The following CCT5 variants were observed in gnomAD, a reference collection of about 807,000 sequenced individuals.
CCT5 encodes chaperonin containing TCP1 subunit 5.
In CCT5, 6 loss-of-function variants were observed where a neutral mutation model predicts 55.0. The observed-to-expected ratio is 0.11, with a 90% CI of 0.06 to 0.22. The LOEUF (loss-of-function observed/expected upper bound fraction) is 0.22. Among genes scored for constraint, CCT5 ranks in the 10% least tolerant of loss-of-function variants. CCT5 has a pLI of 1.00. For synonymous variants in CCT5, 231 were observed against 243.7 expected, an observed-to-expected ratio of 0.95 and a Z score of 0.49; for missense variants, 560 against 694.6, an observed-to-expected ratio of 0.81 and a Z score of 2.18.
chr5:10,258,407 G>A lies in CCT5; in HGVS notation c.745G>A (p.Ala249Thr), dbSNP rs1291878369. ...ATAGAAAGTGGAAGATGCGAAGATTGCAATTCTCACATGTCCATTTGAACC... is the reference window on the plus strand; with the variant it reads ...ATAGAAAGTGGAAGATGCGAAGATTACAATTCTCACATGTCCATTTGAACC... Reference protein sequence around the residue: ...MPKKVEDAKIAILTCPFEPPK... With the variant: ...MPKKVEDAKITILTCPFEPPK... The change falls in exon 6 of 11, where the codon GCA becomes ACA. Residue 249 changes from alanine to threonine, a missense_variant. Physicochemically the swap from Ala to Thr is moderately conservative, Grantham distance 58. This residue lies in a region of CCT5 where 256 missense variants were observed against 372.4 expected (regional missense o/e 0.69). Transcript: ENST00000280326. 3 of 1,614,102 alleles carry A rather than the reference G, an allele frequency of 1.9e-6. No homozygotes were observed. The highest frequency in any genetic ancestry group is 2.5e-6 in the Non-Finnish European group (3 of 1,180,046).
intron 4 of CCT5, among the ~76,000 whole-genome samples, chr5:10,257,635 C>A (rs1380869502): frequency 6.6e-6 from 1 of 152,198 alleles, no homozygotes; most frequent in Non-Finnish European, 1.5e-5. Context: ...GTGGTGAATT[C>A]TTGGAAAGTT....
At chr5:10,249,930 A>ACAG, upstream of CCT5, 1 of 756,012 alleles carries the variant, frequency 1.3e-6, no homozygotes, top group Non-Finnish European at 1.7e-6. Flanking sequence ...AAAAAAAAAA[A>ACAG]AAAACCGGAA....
intron 6 of CCT5, among the ~76,000 whole-genome samples, chr5:10,260,288 T>G (rs567491840): frequency 7.2e-5 from 11 of 152,308 alleles, no homozygotes; most frequent in African/African-American, 2.4e-4. Flanking sequence ...GTGAGGGTGC[T>G]TCTTACTGGA....
At chr5:10,254,339 G>GTA in intron 2 of CCT5, 134 bp downstream of exon 2, 1 of 671,990 alleles carries the variant, frequency 1.5e-6, no homozygotes, top group East Asian at 3.0e-5. Flanking sequence ...ATTTTTTAGT[G>GTA]TATTTCAGGT....
intron 10 of CCT5, among the ~76,000 whole-genome samples, chr5:10,263,576 T>C (rs992601565): frequency 6.6e-6 from 1 of 152,184 alleles, no homozygotes; most frequent in Non-Finnish European, 1.5e-5. Context: ...TAATCTCTGG[T>C]TTTTGGGAAG....
chr5:10,258,676 CAG>C (rs1274775136), intron 6 of CCT5, 141 bp downstream of exon 6: 15 of 782,138 alleles, frequency 1.9e-5, no homozygotes, highest in Middle Eastern at 2.3e-4. Flanking sequence ...AAGGCATAAA[CAG>C]GGAAGAATTC....
At position 10,260,290 on chromosome 5, in the gene CCT5, C is replaced by T. The variant is rs74448894; in HGVS notation, c.874-502C>T. The stretch of plus-strand genomic sequence containing the variant: ...TTTGCAGGTCGGGGTGAGGGTGCTT[C>T]TTACTGGAAGCAGGGTTGCCTCTGT... On this transcript the variant is annotated intron_variant, in intron 6 of 10. Transcript: ENST00000280326. Among the ~76,000 whole-genome samples, 997 of 152,312 alleles carry T rather than the reference C, an allele frequency of 6.5e-3. 37 individuals carry two copies. Among genetic ancestry groups the T allele is most frequent in the Admixed American group, 0.051 (781 of 15,288 alleles).
At chr5:10,261,429 T>A in intron 7 of CCT5, 131 bp from the exon 8 acceptor site, 1 of 826,504 alleles carries the variant, frequency 1.2e-6, no homozygotes, top group Non-Finnish European at 2.1e-6. Context: ...TGGAGATGTC[T>A]CGGTCAAAGT....
chr5:10,255,508 G>A (rs1745626480), intron 3 of CCT5, among the ~76,000 whole-genome samples: 1 of 151,690 alleles, frequency 6.6e-6, no homozygotes, highest in African/African-American at 2.4e-5. Context: ...TGTTCTCGGT[G>A]CGCTTGGAGA....
chr5:10,250,595 C>G (rs1045206601), intron 1 of CCT5, 150 bp downstream of exon 1: 16 of 1,471,628 alleles, frequency 1.1e-5, no homozygotes, highest in Middle Eastern at 2.5e-4. Context: ...GCCGCTCAGC[C>G]CGCTTACTGA....
rs3846599 is a variant in CCT5 at position 10,255,709 on chromosome 5, T to C, written c.332-246T>C. On this transcript the variant is annotated intron_variant, in intron 3 of 10. Transcript: ENST00000280326. The stretch of plus-strand genomic sequence containing the variant: ...AATGTTCTTTTTACATTATATTCTT[T>C]AGTTACGTTCTTCACATCACTGAGG... Among the ~76,000 whole-genome samples the C allele has an allele frequency of 0.44, 66,951 of 152,142 alleles. 19,228 individuals are homozygous for C. The highest frequency in any genetic ancestry group is 0.64 in the Non-Finnish European group (43,711 of 67,986).
chr5:10,255,603 C>CAT (rs3070504), intron 3 of CCT5, among the ~76,000 whole-genome samples: 115,573 of 151,474 alleles, frequency 0.76, 46,157 homozygotes, highest in Non-Finnish European at 0.87. Flanking sequence ...ATAATAAACA[C>CAT]GTTTTAGTCT....
At chr5:10,258,800 T>C (rs1217035372) in intron 6 of CCT5, among the ~76,000 whole-genome samples, 1 of 152,198 alleles carries the variant, frequency 6.6e-6, no homozygotes, top group Admixed American at 6.5e-5. Flanking sequence ...CGAGACCATC[T>C]GACTAACACG....
intron 4 of CCT5, among the ~76,000 whole-genome samples, chr5:10,257,057 A>G (rs1300073836): frequency 2.0e-5 from 3 of 152,242 alleles, no homozygotes; most frequent in Admixed American, 1.3e-4. Context: ...AAGCTGCTTT[A>G]TTACATTATA....
intron 4 of CCT5, 30 bp from the exon 5 acceptor site, chr5:10,258,081 A>T: frequency 1.9e-6 from 3 of 1,611,318 alleles, no homozygotes; most frequent in Non-Finnish European, 2.5e-6. Context: ...TGTGAAACCA[A>T]TGAAGTTTGT....
chr5:10,256,450 C>T (rs1000656833), intron 4 of CCT5, among the ~76,000 whole-genome samples: 1 of 152,138 alleles, frequency 6.6e-6, no homozygotes, highest in African/African-American at 2.4e-5. Context: ...GATGCAGTGG[C>T]TCATACTTGT....
rs561819733 is a variant in CCT5, at chr5:10,257,694, T to C, written c.531-417T>C. Among the ~76,000 whole-genome samples, 4 of 152,330 alleles carry C rather than the reference T, an allele frequency of 2.6e-5. No homozygotes were observed. In the South Asian group the frequency reaches 8.3e-4, roughly 32 times the overall value. ...AGTTCCTGGTTAGTGCTACACTTCA[T>C]TGAGATAAGAGTGACTCTTCCTGAG... On this transcript the variant is annotated intron_variant, in intron 4 of 10. Coordinates refer to ENST00000280326, the MANE Select transcript of CCT5 (RefSeq NM_012073.5).
Position 10,254,141 on chromosome 5 carries a change from T to C in CCT5, c.106-4T>C. 6.3e-7 allele frequency: 1 copy of C among 1,599,020 alleles called. No individual in the cohort carries two copies. Among genetic ancestry groups the C allele is most frequent in the East Asian group, 2.2e-5 (1 of 44,784 alleles). The stretch of plus-strand genomic sequence containing the variant: ...GTGTTTGCTTTTTCTGTTTGTTTCA[T>C]TAGTCTCATATAATGGCAGCAAAGG... On this transcript the variant is annotated splice_polypyrimidine_tract_variant and splice_region_variant and intron_variant, in intron 1 of 10. Coordinates refer to ENST00000280326, the MANE Select transcript of CCT5 (RefSeq NM_012073.5).
At chr5:10,250,042 A>C (rs952305571), upstream of CCT5, 9 of 1,542,162 alleles carry the variant, frequency 5.8e-6, no homozygotes, top group African/African-American at 8.2e-5. Flanking sequence ...AGAAACTATC[A>C]GTGGTAACGT....
Sources: gnomAD v4.1 joint callset for allele counts (sites outside exome capture counted in the v4.1 genomes callset) on GRCh38, gnomAD v4.1.1 for gene constraint, gnomAD v4.1.1 regional missense constraint, MANE v1.5 for transcripts, NCBI Gene and HGNC (gene_info 2026-07-23, HGNC 2026-07-21) for gene names.